Variants in PDE8A observed in about 807,000 individuals in gnomAD.
PDE8A encodes the protein phosphodiesterase 8A, also known as high affinity cAMP-specific and IBMX-insensitive 3',5'-cyclic phosphodiesterase 8A.
A neutral mutation model predicts 105.0 loss-of-function variants in PDE8A; 59 were observed. The observed-to-expected ratio is 0.56, with a 90% CI of 0.46 to 0.70. The LOEUF is 0.70. PDE8A is among the 30% of genes least tolerant of loss of function. PDE8A has a pLI of 0.00. For missense variants in PDE8A, 1,014 were observed against 1,045.9 expected (o/e 0.97, Z 0.42); for synonymous variants, 355 against 371.9 (o/e 0.95, Z 0.52).
intron 1 of PDE8A, among the ~76,000 whole-genome samples, chr15:85,056,458 G>A (rs1226804087): frequency 2.0e-5 from 3 of 152,150 alleles, no homozygotes; most frequent in Non-Finnish European, 2.9e-5. Flanking sequence ...ATCAGACGTA[G>A]ATTTGATCTT....
In PDE8A at chr15:85,109,123, A is replaced by C. The variant is rs758010636; in HGVS notation, c.1107A>C (p.Ala369=). 3 of 1,607,828 alleles carry C rather than the reference A, an allele frequency of 1.9e-6. No homozygotes were observed. Among genetic ancestry groups the C allele is most frequent in the South Asian group, 1.1e-5 (1 of 90,732 alleles). ...SLDVKAVASR[A]TEVSSQRRHS... ...ACGTCAAAGCTGTTGCCTCCCGTGC[A>C]ACTGAAGGTGAGTGACAAAGACAAG... Residue 369 remains alanine, a synonymous_variant, in exon 12 of 22, where the codon GCA becomes GCC. Transcript: ENST00000394553.
chr15:85,116,314 C>T (rs932844469), intron 16 of PDE8A, 195 bp downstream of exon 16: 1 of 556,032 alleles, frequency 1.8e-6, no homozygotes, highest in African/African-American at 1.9e-5. Context: ...AGTGATGGCA[C>T]ATTCATGGAA....
intron 12 of PDE8A, among the ~76,000 whole-genome samples, chr15:85,112,513 T>A (rs1277791672): frequency 6.6e-6 from 1 of 152,222 alleles, no homozygotes; most frequent in Non-Finnish European, 1.5e-5. Flanking sequence ...TTGGCAATCC[T>A]ATAATCACCA....
At chr15:85,005,906 G>C (rs2080139513) in intron 1 of PDE8A, among the ~76,000 whole-genome samples, 1 of 152,210 alleles carries the variant, frequency 6.6e-6, no homozygotes, top group African/African-American at 2.4e-5. Context: ...AGGTCAGTAT[G>C]TGGAAACACA....
intron 11 of PDE8A, among the ~76,000 whole-genome samples, chr15:85,107,660 G>A (rs1446450136): frequency 1.3e-5 from 2 of 152,166 alleles, no homozygotes; most frequent in African/African-American, 4.8e-5. Flanking sequence ...CAGTGATCTG[G>A]GTTAAAGAGC....
In PDE8A at chr15:85,100,159, G is replaced by A; in HGVS notation, c.997G>A (p.Glu333Lys). 1 of 1,613,982 alleles carries A rather than the reference G, an allele frequency of 6.2e-7. No individual in the cohort carries two copies. The highest frequency in any genetic ancestry group is 8.5e-7 in the Non-Finnish European group (1 of 1,179,832). ...GGCTTTTAAAATTCACTTTTAGGCT[G>A]AGAAAATATCCGAATGTGTTCAGTC... ...IRVCNGNNKAEKISECVQSDT... is the reference protein window; with the variant it reads ...IRVCNGNNKAKKISECVQSDT... The change falls in exon 11 of 22, where the codon GAG becomes AAG. Residue 333 changes from glutamate to lysine, a missense_variant. Glu to Lys is a moderately conservative substitution (Grantham distance 56). Transcript: ENST00000394553.
chr15:85,000,002 A>T (rs1164861934), intron 1 of PDE8A, among the ~76,000 whole-genome samples: 1 of 152,224 alleles, frequency 6.6e-6, no homozygotes, highest in Non-Finnish European at 1.5e-5. Context: ...CAATACAGTT[A>T]AAAAGAGCGG....
At chr15:85,135,902 A>G (rs2082401944) in intron 20 of PDE8A, among the ~76,000 whole-genome samples, 1 of 152,048 alleles carries the variant, frequency 6.6e-6, no homozygotes, top group Non-Finnish European at 1.5e-5. Flanking sequence ...GGTGTTCAGA[A>G]CCTTTTCAAA....
intron 1 of PDE8A, among the ~76,000 whole-genome samples, chr15:85,024,336 T>G (rs1039790333): frequency 2.0e-5 from 3 of 152,230 alleles, no homozygotes; most frequent in African/African-American, 4.8e-5. Flanking sequence ...GGTTGAACTA[T>G]ATGAAATTGC....
In PDE8A at chr15:85,008,085, G is replaced by A. The variant is rs2080177584; in HGVS notation, c.186+25737G>A. Among the ~76,000 whole-genome samples the A allele has an allele frequency of 2.0e-5, 3 of 152,202 alleles. No individual in the cohort carries two copies. In the South Asian group the frequency reaches 6.2e-4, roughly 32 times the overall value. ...CTTAGAGGTCAAGAGAAGGTGGCAGGGGTGGCATTGCTGTGTGTTATGAGC... is the reference window on the plus strand; with the variant it reads ...CTTAGAGGTCAAGAGAAGGTGGCAGAGGTGGCATTGCTGTGTGTTATGAGC... On this transcript the variant is annotated intron_variant, in intron 1 of 21. Coordinates refer to ENST00000394553, the MANE Select transcript of PDE8A (RefSeq NM_002605.3).
chr15:84,997,217 A>G (rs926300308), intron 1 of PDE8A, among the ~76,000 whole-genome samples: 1 of 151,864 alleles, frequency 6.6e-6, no homozygotes, highest in Non-Finnish European at 1.5e-5. Context: ...TTTTTGAGAC[A>G]GGGTCTCACT....
chr15:85,114,584 C>A (rs1007341135), intron 14 of PDE8A, among the ~76,000 whole-genome samples: 1 of 146,282 alleles, frequency 6.8e-6, no homozygotes, highest in Non-Finnish European at 1.5e-5. Context: ...GTAGAGCTCT[C>A]ACAAGAGAGG....
intron 1 of PDE8A, among the ~76,000 whole-genome samples, chr15:85,023,919 G>T (rs1018244126): frequency 6.6e-6 from 1 of 152,162 alleles, no homozygotes; most frequent in Non-Finnish European, 1.5e-5. Context: ...GTTGCCAAGG[G>T]ATCAGGGATG....
intron 11 of PDE8A, among the ~76,000 whole-genome samples, chr15:85,102,973 C>T (rs1442984122): frequency 6.6e-6 from 1 of 152,088 alleles, no homozygotes; most frequent in African/African-American, 2.4e-5. Context: ...CTAATCCTAG[C>T]ACTTTGGGAG....
chr15:85,041,152 C>G (rs2080801704), intron 1 of PDE8A, among the ~76,000 whole-genome samples: 1 of 152,108 alleles, frequency 6.6e-6, no homozygotes, highest in Non-Finnish European at 1.5e-5. Flanking sequence ...ACATCAGATG[C>G]TATACATGAA....
At chr15:85,121,569 A>C (rs34076898) in intron 18 of PDE8A, among the ~76,000 whole-genome samples, 21,074 of 152,030 alleles carry the variant, frequency 0.14, 1,874 homozygotes, top group Middle Eastern at 0.23. Flanking sequence ...GTCATATGTC[A>C]CTGTGCCCTC....
At chr15:85,095,846 C>G (rs1207304938) in intron 8 of PDE8A, among the ~76,000 whole-genome samples, 1 of 149,186 alleles carries the variant, frequency 6.7e-6, no homozygotes, top group Non-Finnish European at 1.5e-5. Context: ...TCAGAAAGGA[C>G]AAGAAGATCC....
At chr15:85,049,814 A>C (rs1440063336) in intron 1 of PDE8A, among the ~76,000 whole-genome samples, 1 of 152,238 alleles carries the variant, frequency 6.6e-6, no homozygotes, top group Non-Finnish European at 1.5e-5. Flanking sequence ...TATCTGTCTG[A>C]ATCACTGCTT....
intron 12 of PDE8A, among the ~76,000 whole-genome samples, chr15:85,111,121 T>C (rs1478462592): frequency 1.3e-5 from 2 of 152,342 alleles, no homozygotes; most frequent in African/African-American, 4.8e-5. Flanking sequence ...TGTCTAGATA[T>C]GGGTTATCTG....
Sources: allele counts gnomAD v4.1 joint callset (sites outside exome capture counted in the v4.1 genomes callset), GRCh38; gene constraint gnomAD v4.1.1; transcripts MANE v1.5; gene names NCBI Gene and HGNC (gene_info 2026-07-23, HGNC 2026-07-21).